GPATCH8: variants seen among roughly 807,000 people sequenced by gnomAD.
GPATCH8 encodes G-patch domain containing 8.
In GPATCH8, 18 loss-of-function variants were observed where a neutral mutation model predicts 118.3. The ratio of observed to expected loss-of-function variants is 0.15; its 90% CI spans 0.11 to 0.23. GPATCH8 has a LOEUF of 0.23. Ranked by LOEUF, GPATCH8 falls within the 10% of genes least tolerant of loss-of-function variation. The pLI is 1.00. For missense variants in GPATCH8, 1,631 were observed against 1,873.8 expected (o/e 0.87, Z 2.39); for synonymous variants, 659 against 684.7 (o/e 0.96, Z 0.59).
intron 2 of GPATCH8, among the ~76,000 whole-genome samples, chr17:44,471,957 CTT>C (rs1345508795): frequency 6.7e-6 from 1 of 149,364 alleles, no homozygotes; most frequent in Non-Finnish European, 1.5e-5. Context: ...TAAGATCCCT[CTT>C]ATCTTGTGTG....
At chr17:44,453,072 T>C (rs2051175713) in intron 3 of GPATCH8, among the ~76,000 whole-genome samples, 1 of 152,052 alleles carries the variant, frequency 6.6e-6, no homozygotes. Flanking sequence ...AGCTCAAGCA[T>C]CCACCCACAT....
chr17:44,472,945 C>T (rs1967414041), intron 2 of GPATCH8, among the ~76,000 whole-genome samples: 1 of 151,998 alleles, frequency 6.6e-6, no homozygotes. Context: ...CCACCTGTCT[C>T]GGCCTCCCAA....
intron 3 of GPATCH8, among the ~76,000 whole-genome samples, chr17:44,451,884 G>C (rs900602922): frequency 1.2e-4 from 18 of 152,170 alleles, no homozygotes; most frequent in Admixed American, 1.0e-3. Context: ...CCAGGATAGG[G>C]AAGTAAGCTA....
intron 4 of GPATCH8, 89 bp from the exon 5 acceptor site, chr17:44,435,240 T>C (rs1391631171): frequency 6.9e-6 from 5 of 725,158 alleles, no homozygotes; most frequent in Non-Finnish European, 1.3e-5. Flanking sequence ...TACAGTATTA[T>C]CTGAAAACAA....
chr17:44,466,799 C>T lies in GPATCH8; in HGVS notation c.121-2255G>A, dbSNP rs555016581. Among the ~76,000 whole-genome samples the T allele has an allele frequency of 3.9e-5, 6 of 152,204 alleles. No homozygotes were observed. In the South Asian group the frequency reaches 1.2e-3, roughly 31 times the overall value. Reference sequence around the variant, plus strand: ...AGGAAGGACAAGGATAGCAGAATGACTTTAAGAGTATATGGTTTATCAGAT... The same window carrying T: ...AGGAAGGACAAGGATAGCAGAATGATTTTAAGAGTATATGGTTTATCAGAT... On this transcript the variant is annotated intron_variant, in intron 2 of 7. Transcript: ENST00000591680.
chr17:44,413,568 C>T (rs1021237522), intron 6 of GPATCH8, among the ~76,000 whole-genome samples: 2 of 152,108 alleles, frequency 1.3e-5, no homozygotes, highest in East Asian at 3.9e-4. Flanking sequence ...TGCAACCTCC[C>T]GAGTTCAAGC....
At chr17:44,411,353 AGAT>A (rs1465916128) in intron 6 of GPATCH8, among the ~76,000 whole-genome samples, 2 of 152,204 alleles carry the variant, frequency 1.3e-5, no homozygotes, top group African/African-American at 4.8e-5. Context: ...TAACAACAAA[AGAT>A]AATACAAGGG....
chr17:44,484,966 C>A (rs1158544783), intron 1 of GPATCH8, among the ~76,000 whole-genome samples: 1 of 152,026 alleles, frequency 6.6e-6, no homozygotes, highest in Non-Finnish European at 1.5e-5. Flanking sequence ...CACATGCCAC[C>A]ATGCCTGGCT....
chr17:44,476,601 T>C (rs1333315862), intron 1 of GPATCH8, among the ~76,000 whole-genome samples: 1 of 152,224 alleles, frequency 6.6e-6, no homozygotes, highest in Non-Finnish European at 1.5e-5. Context: ...AAATAAATAC[T>C]GCTCAATCTG....
intron 2 of GPATCH8, among the ~76,000 whole-genome samples, chr17:44,472,609 T>C (rs138483073): frequency 6.6e-6 from 1 of 152,336 alleles, no homozygotes; most frequent in East Asian, 1.9e-4. Flanking sequence ...TAACCAACCA[T>C]GCACCTTGTA....
intron 4 of GPATCH8, 37 bp downstream of exon 4, chr17:44,436,441 A>T (rs777226080): frequency 1.4e-5 from 12 of 877,362 alleles, no homozygotes. Context: ...ATTTCAAAAT[A>T]TCTCACAAAA....
At chr17:44,468,059 C>T (rs188315370) in intron 2 of GPATCH8, among the ~76,000 whole-genome samples, 41 of 149,552 alleles carry the variant, frequency 2.7e-4, no homozygotes, top group Admixed American at 2.2e-3. Context: ...TGGAGTGTAA[C>T]GGCAATCTCA....
chr17:44,404,624 TAG>T (rs770861269), intron 7 of GPATCH8, among the ~76,000 whole-genome samples: 8 of 152,116 alleles, frequency 5.3e-5, no homozygotes, highest in Non-Finnish European at 1.0e-4. Context: ...AACTGAGGCA[TAG>T]AGAGTTTAGA....
intron 6 of GPATCH8, among the ~76,000 whole-genome samples, chr17:44,414,000 A>C (rs770399128): frequency 1.3e-5 from 2 of 151,482 alleles, no homozygotes; most frequent in Non-Finnish European, 2.9e-5. Flanking sequence ...GGAATTCAGC[A>C]AAACTCCTTA....
intron 2 of GPATCH8, 138 bp downstream of exon 2, chr17:44,474,691 T>C: frequency 2.8e-6 from 2 of 705,568 alleles, no homozygotes; most frequent in South Asian, 3.0e-5. Flanking sequence ...TTTAATTGAT[T>C]ACTGTATGGC....
At chr17:44,441,121 T>C (rs2050674795) in intron 3 of GPATCH8, among the ~76,000 whole-genome samples, 1 of 152,188 alleles carries the variant, frequency 6.6e-6, no homozygotes. Context: ...GTGCTGGGAT[T>C]ACAGGCGTGA....
chr17:44,465,506 T>G (rs190781077), intron 2 of GPATCH8: 1 of 152,242 alleles, frequency 6.6e-6, no homozygotes, highest in African/African-American at 2.4e-5. Flanking sequence ...TTTACAGTTA[T>G]TGTGAAGTAC....
At chr17:44,431,378 GAAAAAAAAAAAA>G (rs776468380) in intron 5 of GPATCH8, among the ~76,000 whole-genome samples, 4 of 47,794 alleles carry the variant, frequency 8.4e-5, no homozygotes, top group South Asian at 7.7e-4. Context: ...TCTCAAAAAG[GAAAAAAAAAAAA>G]AAAAAAAAAA....
intron 1 of GPATCH8, among the ~76,000 whole-genome samples, chr17:44,482,638 A>ATGGTACATG (rs1968362569): frequency 6.6e-6 from 1 of 151,754 alleles, no homozygotes; most frequent in Non-Finnish European, 1.5e-5. Context: ...GCAAACCACC[A>ATGGTACATG]TGGTACATGT....
Sources: gnomAD v4.1 joint callset for allele counts (sites outside exome capture counted in the v4.1 genomes callset) on GRCh38, gnomAD v4.1.1 for gene constraint, MANE v1.5 for transcripts, NCBI Gene and HGNC (gene_info 2026-07-23, HGNC 2026-07-21) for gene names.